Variants in ACO1 observed in about 807,000 individuals in gnomAD.
The protein encoded by ACO1 is aconitase 1, also known as cytoplasmic aconitate hydratase.
In ACO1, 78 loss-of-function variants were observed where a neutral mutation model predicts 105.1. That is an observed-to-expected ratio of 0.74 (90% CI 0.62 to 0.90). The LOEUF (loss-of-function observed/expected upper bound fraction) is 0.90, where lower values mean the gene tolerates loss of function less well. ACO1 is among the 40% of genes least tolerant of loss of function. The pLI is 0.00. For synonymous variants in ACO1, 364 were observed against 397.4 expected (o/e 0.92, Z 1.00); for missense variants, 965 against 1,111.1 (o/e 0.87, Z 1.87).
rs772363091 is a variant in ACO1 at position 32,430,411 on chromosome 9, T to C, written c.1570-7T>C. Reference sequence around the variant, plus strand: ...TAGTGACCTGATTTTTCTCTTGCCTTACTCAGGGAGACCTTGTAGCTGTTG... The same window carrying C: ...TAGTGACCTGATTTTTCTCTTGCCTCACTCAGGGAGACCTTGTAGCTGTTG... On this transcript the variant is annotated splice_region_variant and splice_polypyrimidine_tract_variant and intron_variant, in intron 13 of 20. Transcript: ENST00000309951. 3.2e-5 allele frequency: 52 copies of C among 1,605,426 alleles called. No homozygotes were observed. Among genetic ancestry groups the C allele is most frequent in the Non-Finnish European group, 4.3e-5 (51 of 1,176,852 alleles).
chr9:32,407,393 C>T lies in ACO1; in HGVS notation c.230C>T (p.Pro77Leu), dbSNP rs1200691416. The T allele has an allele frequency of 6.2e-7, 1 of 1,614,096 alleles. No individual in the cohort carries two copies. Among genetic ancestry groups the T allele is most frequent in the Non-Finnish European group, 8.5e-7 (1 of 1,179,990 alleles). The change falls in exon 3 of 21, where the codon CCA becomes CTA. Residue 77 changes from proline (P) to leucine (L), a missense_variant. Physicochemically the swap from Pro to Leu is moderately conservative, Grantham distance 98. Transcript: ENST00000309951. ...ACGCAGCACAAGAACATAGAAGTGC[C>T]ATTTAAGCCTGCTCGTGTCATCCTG... ...NVTQHKNIEVPFKPARVILQD... is the reference protein window; with the variant it reads ...NVTQHKNIEVLFKPARVILQD...
intron 20 of ACO1, 34 bp downstream of exon 20, chr9:32,449,115 G>A (rs201749332): frequency 3.1e-5 from 48 of 1,550,618 alleles, no homozygotes; most frequent in Admixed American, 1.2e-4. Flanking sequence ...AGGCCCTGTC[G>A]AAAGGGGCCC....
chr9:32,443,379 A>G (rs1421697619), intron 19 of ACO1, among the ~76,000 whole-genome samples: 1 of 152,202 alleles, frequency 6.6e-6, no homozygotes, highest in Non-Finnish European at 1.5e-5. Context: ...TCACTGAAAT[A>G]TAGCACACAA....
chr9:32,424,733 G>C, intron 10 of ACO1, 68 bp downstream of exon 10: 1 of 1,048,116 alleles, frequency 9.5e-7, no homozygotes, highest in Non-Finnish European at 1.5e-6. Context: ...CAGCGTCCAG[G>C]CTTTCATCCC....
chr9:32,430,378 G>A (rs908830458), intron 13 of ACO1, 40 bp from the exon 14 acceptor site: 5 of 1,585,632 alleles, frequency 3.2e-6, no homozygotes, highest in Non-Finnish European at 4.3e-6. Flanking sequence ...AGCCTAGTCA[G>A]TATCTTTTAG....
chr9:32,431,021 C>A (rs1447010145), intron 14 of ACO1, among the ~76,000 whole-genome samples: 1 of 152,146 alleles, frequency 6.6e-6, no homozygotes, highest in African/African-American at 2.4e-5. Context: ...AATATGAAAA[C>A]AATGCCTCTG....
At chr9:32,436,595 G>A (rs1245875424) in intron 18 of ACO1, among the ~76,000 whole-genome samples, 198 bp downstream of exon 18, 2 of 152,190 alleles carry the variant, frequency 1.3e-5, no homozygotes, top group African/African-American at 2.4e-5. Context: ...CTTGCTTAGA[G>A]ATTCTAGACC....
rs989457003 is a variant in ACO1 at position 32,384,691 on chromosome 9, T to C, written c.-67T>C. 1 of 411,938 alleles carries C rather than the reference T, an allele frequency of 2.4e-6. No homozygotes were observed. Among genetic ancestry groups the C allele is most frequent in the Non-Finnish European group, 4.8e-6 (1 of 207,392 alleles). The allele number at this position is 411,938 out of a possible 1,614,324, so 25.5% of individuals were successfully genotyped here. ...GCGCACGGGAACGCGTCCCGCTGCT[T>C]GGGTCAGGTTCGCCGGTCGCGGGAG... On this transcript the variant is annotated 5_prime_UTR_variant, in exon 1 of 21. Coordinates refer to ENST00000309951, the MANE Select transcript of ACO1 (RefSeq NM_002197.3).
chr9:32,427,391 A>C lies in ACO1; in HGVS notation c.1439A>C (p.Tyr480Ser), dbSNP rs1001411180. Residue 480 changes from tyrosine to serine, a missense_variant, in exon 12 of 21, where the codon TAC becomes TCC. Coordinates refer to ENST00000309951, the MANE Select transcript of ACO1 (RefSeq NM_002197.3). The part of the protein sequence containing the change: ...SLSPGSGVVT[Y>S]YLQESGVMPY... ...TCTCCTGGGAGTGGCGTGGTCACCT[A>C]CTACCTACAAGAAAGCGGAGTCATG... The C allele has an allele frequency of 5.6e-6, 9 of 1,614,068 alleles. No homozygotes were observed. In the African/African-American group the frequency reaches 1.2e-4, roughly 22 times the overall value.
At chr9:32,389,800 C>CTT (rs71916359) in intron 1 of ACO1, among the ~76,000 whole-genome samples, 46,439 of 132,218 alleles carry the variant, frequency 0.35, 9,541 homozygotes, top group East Asian at 0.51. Flanking sequence ...TTCCTCTATA[C>CTT]TTTTTTTTTT....
intron 1 of ACO1, among the ~76,000 whole-genome samples, chr9:32,395,054 C>T (rs550251652): frequency 1.3e-5 from 2 of 152,276 alleles, no homozygotes; most frequent in East Asian, 1.9e-4. Context: ...CCACAATCTG[C>T]GAAATGAGTT....
At position 32,407,316 on chromosome 9, in the gene ACO1, T is replaced by A. The variant is rs1217469432; in HGVS notation, c.153T>A (p.Asp51Glu). The A allele has an allele frequency of 1.2e-6, 2 of 1,614,002 alleles. No homozygotes were observed. Among genetic ancestry groups the A allele is most frequent in the East Asian group, 2.2e-5 (1 of 44,890 alleles). Residue 51 changes from aspartate (D) to glutamate (E), a missense_variant, in exon 3 of 21, where the codon GAT (aspartate) becomes GAA (glutamate). By Grantham distance (45) the Asp-to-Glu change is conservative. Coordinates refer to ENST00000309951, the MANE Select transcript of ACO1 (RefSeq NM_002197.3). ...VLLEAAIRNCDEFLVKKQDIE... is the reference protein window; with the variant it reads ...VLLEAAIRNCEEFLVKKQDIE... ...TGGAAGCAGCCATTCGGAATTGTGA[T>A]GAGTTTTTGGTGAAGAAACAGGATA...
At position 32,431,793 on chromosome 9, in the gene ACO1, C is replaced by T. The variant is rs757678488; in HGVS notation, c.1801C>T (p.Arg601Cys). The change falls in exon 15 of 21, where the codon CGT becomes TGT. Residue 601 changes from arginine to cysteine, a missense_variant. By Grantham distance (180) the Arg-to-Cys change is radical. Transcript: ENST00000309951. The part of the protein sequence containing the change: ...PTRDEIQAVE[R>C]QYVIPGMFKE... ...TAGAGACGAGATCCAGGCAGTGGAG[C>T]GTCAGTATGTCATCCCGGGGATGTT... 53 of 1,613,884 alleles carry T rather than the reference C, an allele frequency of 3.3e-5. No homozygotes were observed. Among genetic ancestry groups the T allele is most frequent in the Non-Finnish European group, 4.0e-5 (47 of 1,179,978 alleles).
At chr9:32,402,828 G>A (rs1296665268) in intron 1 of ACO1, among the ~76,000 whole-genome samples, 5 of 152,170 alleles carry the variant, frequency 3.3e-5, no homozygotes, top group Admixed American at 2.6e-4. Flanking sequence ...CCTTGAAGTG[G>A]CTCCAAATTC....
At position 32,437,765 on chromosome 9, in the gene ACO1, C is replaced by T. The variant is rs796557881; in HGVS notation, c.2247+1368C>T. Among the ~76,000 whole-genome samples the T allele has an allele frequency of 7.9e-5, 12 of 151,830 alleles. 1 individual carries two copies. In the South Asian group the frequency reaches 2.5e-3, roughly 32 times the overall value. On this transcript the variant is annotated intron_variant, in intron 18 of 20. Coordinates refer to ENST00000309951, the MANE Select transcript of ACO1 (RefSeq NM_002197.3). ...TTAGAGAAGAGTTCATTTTCTGTTGCTATGAAATAACAATCAGAAGACAAG... is the reference window on the plus strand; with the variant it reads ...TTAGAGAAGAGTTCATTTTCTGTTGTTATGAAATAACAATCAGAAGACAAG...
chr9:32,405,183 G>A (rs921690299), intron 1 of ACO1, among the ~76,000 whole-genome samples: 6 of 152,298 alleles, frequency 3.9e-5, no homozygotes, highest in African/African-American at 1.4e-4. Context: ...GCCCGTTACC[G>A]GTACCTGTGG....
chr9:32,390,540 A>G (rs146876348), intron 1 of ACO1, among the ~76,000 whole-genome samples: 2 of 152,330 alleles, frequency 1.3e-5, no homozygotes, highest in Non-Finnish European at 2.9e-5. Flanking sequence ...CTTTTCCTCT[A>G]TGGTATTTAG....
chr9:32,412,262 C>A (rs972411889), intron 4 of ACO1, among the ~76,000 whole-genome samples: 2 of 152,132 alleles, frequency 1.3e-5, no homozygotes, highest in Non-Finnish European at 2.9e-5. Flanking sequence ...GAGCGAGATG[C>A]TACATTGCAT....
At chr9:32,421,162 G>C (rs1821966809) in intron 8 of ACO1, 135 bp downstream of exon 8, 1 of 984,092 alleles carries the variant, frequency 1.0e-6, no homozygotes. Context: ...TTTCTCCATG[G>C]AGTCAAAATG....
Sources: gnomAD v4.1 joint callset for allele counts (sites outside exome capture counted in the v4.1 genomes callset) on GRCh38, gnomAD v4.1.1 for gene constraint, MANE v1.5 for transcripts, NCBI Gene and HGNC (gene_info 2026-07-23, HGNC 2026-07-21) for gene names.